ZDHHC4: variants seen among roughly 807,000 people sequenced by gnomAD.
ZDHHC4 encodes the protein zDHHC palmitoyltransferase 4.
ZDHHC4 carries 42 observed loss-of-function variants against 36.7 expected under a neutral mutation model. The observed-to-expected ratio is 1.14, with a 90% confidence interval of 0.89 to 1.48. The LOEUF (loss-of-function observed/expected upper bound fraction) is 1.48. ZDHHC4 is among the 40% of genes most tolerant of loss of function. The probability of loss-of-function intolerance (pLI) is 0.00; values close to 1 mark genes in which losing one functional copy is unlikely to be tolerated. For missense variants in ZDHHC4, 457 were observed against 421.5 expected (o/e 1.08, Z -0.74); for synonymous variants, 189 against 166.6 (o/e 1.13, Z -1.03).
At chr7:6,588,518 C>A (rs1781421022) in intron 7 of ZDHHC4, 99 bp from the exon 8 acceptor site, 1 of 1,296,240 alleles carries the variant, frequency 7.7e-7, no homozygotes, top group Non-Finnish European at 1.1e-6. Flanking sequence ...GCTGAGGAAG[C>A]AGCGCTGGTG....
At position 6,580,624 on chromosome 7, in the gene ZDHHC4, C is replaced by G; in HGVS notation, c.63C>G (p.Ile21Met). ...LASVLMGLVLICVCSKTHSLK... is the reference protein window; with the variant it reads ...LASVLMGLVLMCVCSKTHSLK... Reference sequence around the variant, plus strand: ...CGGTGCTGATGGGTCTTGTTCTTATCTGCGTCTGCTCGAAAACCCATAGCT... The same window carrying G: ...CGGTGCTGATGGGTCTTGTTCTTATGTGCGTCTGCTCGAAAACCCATAGCT... The change falls in exon 3 of 8, where the codon ATC becomes ATG. Residue 21 changes from isoleucine to methionine, a missense_variant. Ile to Met is a conservative substitution (Grantham distance 10, BLOSUM62 1). Transcript: ENST00000335965. 6.2e-7 allele frequency: 1 copy of G among 1,614,114 alleles called. No homozygotes were observed. The highest frequency in any genetic ancestry group is 8.5e-7 in the Non-Finnish European group (1 of 1,180,026).
intron 5 of ZDHHC4, among the ~76,000 whole-genome samples, chr7:6,582,714 C>T (rs562021845): frequency 4.6e-5 from 7 of 152,042 alleles, no homozygotes; most frequent in South Asian, 2.1e-4. Context: ...GATGGGGTTT[C>T]GCCATGTTGT....
rs1411835995 is a variant in ZDHHC4 at position 6,580,684 on chromosome 7, G to C, written c.117+6G>C. On this transcript the variant is annotated splice_donor_region_variant and intron_variant, in intron 3 of 7. Transcript: ENST00000335965. ...TGGCCAGGGGAGGAGCACAGGTAAG[G>C]ATGATCCTTGGATGGCACTGGAATT... is the stretch of plus-strand genomic sequence containing the variant. 1 of 1,610,876 alleles carries C rather than the reference G, an allele frequency of 6.2e-7. No homozygotes were observed. The highest frequency in any genetic ancestry group is 1.7e-5 in the Admixed American group (1 of 59,996).
At chr7:6,579,173 A>G (rs933280203) in intron 2 of ZDHHC4, among the ~76,000 whole-genome samples, 1 of 147,214 alleles carries the variant, frequency 6.8e-6, no homozygotes, top group Admixed American at 6.8e-5. Context: ...CCGCTACACT[A>G]TGGAAAAGAG....
At position 6,588,720 on chromosome 7, in the gene ZDHHC4, C is replaced by T. The variant is rs1228080303; in HGVS notation, c.845C>T (p.Ala282Val). 4 of 1,614,210 alleles carry T rather than the reference C, an allele frequency of 2.5e-6. No individual in the cohort carries two copies. The highest frequency in any genetic ancestry group is 1.1e-5 in the South Asian group (1 of 91,082). ...CTGTTGTTTGTCCTGTATCTGGCGG[C>T]CACCAACCAGACTACTAACGAGTGG... ...GYLLFVLYLAATNQTTNEWYR... is the reference protein window; with the variant it reads ...GYLLFVLYLAVTNQTTNEWYR... The change falls in exon 8 of 8, where the codon GCC (alanine) becomes GTC (valine). Residue 282 changes from alanine (A) to valine (V), a missense_variant. Transcript: ENST00000335965.
chr7:6,578,434 TC>T (rs1426077215), intron 1 of ZDHHC4, 131 bp from the exon 2 acceptor site: 1 of 152,236 alleles, frequency 6.6e-6, no homozygotes, highest in Non-Finnish European at 1.5e-5. Context: ...GGGCCATTTC[TC>T]CCAAAGTCTT....
At chr7:6,579,096 G>A (rs1369352856) in intron 2 of ZDHHC4, among the ~76,000 whole-genome samples, 1 of 151,426 alleles carries the variant, frequency 6.6e-6, no homozygotes, top group East Asian at 1.9e-4. Flanking sequence ...AGTGCTGGGA[G>A]TACAGGCACG....
intron 2 of ZDHHC4, among the ~76,000 whole-genome samples, chr7:6,579,812 C>G (rs941686313): frequency 1.2e-4 from 19 of 152,176 alleles, no homozygotes; most frequent in African/African-American, 4.6e-4. Context: ...GCTTCAAAGG[C>G]AGGCCACAGT....
intron 7 of ZDHHC4, among the ~76,000 whole-genome samples, chr7:6,588,216 A>G (rs1781381710): frequency 6.6e-6 from 1 of 152,242 alleles, no homozygotes; most frequent in Non-Finnish European, 1.5e-5. Context: ...AGGGGCTGAT[A>G]AAATCAATGA....
At chr7:6,578,265 C>T (rs533114303) in intron 1 of ZDHHC4, among the ~76,000 whole-genome samples, 1 of 152,100 alleles carries the variant, frequency 6.6e-6, no homozygotes, top group South Asian at 2.1e-4. Flanking sequence ...GTAGCTGGGA[C>T]CACAGGCGCG....
intron 5 of ZDHHC4, 123 bp downstream of exon 5, chr7:6,582,374 A>T: frequency 2.1e-6 from 2 of 950,110 alleles, no homozygotes; most frequent in East Asian, 2.5e-5. Context: ...CATTTTCATT[A>T]CCTTTCAGTT....
At chr7:6,584,820 A>G (rs1781117892) in intron 6 of ZDHHC4, 196 bp from the exon 7 acceptor site, 3 of 681,448 alleles carry the variant, frequency 4.4e-6, no homozygotes, top group Non-Finnish European at 7.2e-6. Context: ...TCAGATTGCA[A>G]GTGCTCAATA....
intron 7 of ZDHHC4, among the ~76,000 whole-genome samples, chr7:6,586,251 A>G (rs1583392203): frequency 6.6e-6 from 1 of 152,096 alleles, no homozygotes; most frequent in East Asian, 1.9e-4. Flanking sequence ...TTCAGCCCTC[A>G]CTACTATCTA....
At position 6,580,552 on chromosome 7, in the gene ZDHHC4, T is replaced by C. The variant is rs762966204; in HGVS notation, c.-7-3T>C. The C allele has an allele frequency of 1.9e-6, 3 of 1,612,326 alleles. No homozygotes were observed. The highest frequency in any genetic ancestry group is 2.5e-6 in the Non-Finnish European group (3 of 1,178,302). On this transcript the variant is annotated splice_region_variant and splice_polypyrimidine_tract_variant and intron_variant, in intron 2 of 7. Transcript: ENST00000335965. ...TAGTCACACTCTTTCTGTTCCTTTG[T>C]AGCTGCAGGATGGACTTTCTGGTCC... is the stretch of plus-strand genomic sequence containing the variant.
intron 6 of ZDHHC4, chr7:6,583,803 G>C (rs182398091): frequency 6.1e-6 from 1 of 163,556 alleles, no homozygotes; most frequent in African/African-American, 2.4e-5. Context: ...GTGGCTGGGC[G>C]CAGCGGTTCA....
chr7:6,586,491 T>G (rs1323219978), intron 7 of ZDHHC4, among the ~76,000 whole-genome samples: 1 of 152,178 alleles, frequency 6.6e-6, no homozygotes, highest in Non-Finnish European at 1.5e-5. Flanking sequence ...TTTTGTTTAT[T>G]TGGGATGGAG....
At chr7:6,588,545 G>T in intron 7 of ZDHHC4, 72 bp from the exon 8 acceptor site, 1 of 1,524,212 alleles carries the variant, frequency 6.6e-7, no homozygotes, top group Middle Eastern at 1.8e-4. Context: ...GCAGGCCCAG[G>T]GTTGGCCAGT....
At chr7:6,583,609 T>G in intron 6 of ZDHHC4, 178 bp downstream of exon 6, 1 of 839,698 alleles carries the variant, frequency 1.2e-6, no homozygotes, top group South Asian at 2.0e-5. Flanking sequence ...TCAGGTCTTG[T>G]GTTCCTGTGT....
chr7:6,580,513 C>G, intron 2 of ZDHHC4, 42 bp from the exon 3 acceptor site: 6 of 1,543,166 alleles, frequency 3.9e-6, no homozygotes, highest in Non-Finnish European at 5.4e-6. Flanking sequence ...TGGAAGAAAC[C>G]TTTCAGTAGC....
Sources: gnomAD v4.1 joint callset for allele counts (sites outside exome capture counted in the v4.1 genomes callset) on GRCh38, gnomAD v4.1.1 for gene constraint, MANE v1.5 for transcripts, NCBI Gene and HGNC (gene_info 2026-07-23, HGNC 2026-07-21) for gene names.